Variants in CTNND2 observed in about 807,000 individuals in gnomAD.
CTNND2 encodes the protein catenin delta-2.
CTNND2 carries 22 observed loss-of-function variants against 144.4 expected under a neutral mutation model. The ratio of observed to expected loss-of-function variants is 0.15; its 90% CI spans 0.11 to 0.22. CTNND2 has a LOEUF of 0.22. CTNND2 is among the 10% of genes least tolerant of loss of function. The pLI is 1.00. For synonymous variants in CTNND2, 751 were observed against 695.6 expected (o/e 1.08, Z -1.25); for missense variants, 1,353 against 1,618.8 (o/e 0.84, Z 2.82).
chr5:11,224,732 T>C (rs1476255039), intron 10 of CTNND2, among the ~76,000 whole-genome samples: 1 of 152,320 alleles, frequency 6.6e-6, no homozygotes, highest in South Asian at 2.1e-4. Context: ...AGGTTCTTAG[T>C]CAAATGCCCC....
chr5:11,062,116 T>C (rs1747056735), intron 16 of CTNND2, among the ~76,000 whole-genome samples: 1 of 152,190 alleles, frequency 6.6e-6, no homozygotes, highest in South Asian at 2.1e-4. Context: ...AAAATATTGG[T>C]CAAATGAATG....
intron 9 of CTNND2, among the ~76,000 whole-genome samples, chr5:11,328,306 T>C (rs1490268230): frequency 5.3e-5 from 8 of 149,656 alleles, no homozygotes; most frequent in Non-Finnish European, 1.2e-4. Context: ...TTTTTTTTTT[T>C]CCTCAAGACA....
At chr5:11,836,548 A>G (rs902176661) in intron 1 of CTNND2, among the ~76,000 whole-genome samples, 1 of 152,104 alleles carries the variant, frequency 6.6e-6, no homozygotes, top group African/African-American at 2.4e-5. Flanking sequence ...AAAAAAAAAA[A>G]AGATTCCATT....
intron 2 of CTNND2, among the ~76,000 whole-genome samples, chr5:11,579,892 G>T (rs1335375772): frequency 6.6e-6 from 1 of 152,196 alleles, no homozygotes; most frequent in African/African-American, 2.4e-5. Context: ...CCAGCAGCAA[G>T]CTATGCATCA....
chr5:11,214,424 T>G (rs1161479941), intron 10 of CTNND2, among the ~76,000 whole-genome samples: 2 of 152,230 alleles, frequency 1.3e-5, no homozygotes, highest in Non-Finnish European at 2.9e-5. Flanking sequence ...CATACAATTT[T>G]TCTCCAGACT....
chr5:11,212,915 T>C (rs17188208), intron 10 of CTNND2, among the ~76,000 whole-genome samples: 9,643 of 152,230 alleles, frequency 0.063, 437 homozygotes, highest in Admixed American at 0.11. Flanking sequence ...AATGAGGTGA[T>C]AGGACCCACA....
intron 1 of CTNND2, among the ~76,000 whole-genome samples, chr5:11,750,586 T>C (rs766531775): frequency 6.6e-6 from 1 of 151,888 alleles, no homozygotes; most frequent in Admixed American, 6.6e-5. Context: ...AAACAAATTT[T>C]GTTTTGCCCC....
chr5:11,784,020 A>G (rs1239674129), intron 1 of CTNND2, among the ~76,000 whole-genome samples: 1 of 152,232 alleles, frequency 6.6e-6, no homozygotes, highest in Non-Finnish European at 1.5e-5. Context: ...TGGACCACAT[A>G]CCATGTCCAC....
At chr5:11,092,239 G>T (rs1189738616) in intron 15 of CTNND2, among the ~76,000 whole-genome samples, 2 of 152,104 alleles carry the variant, frequency 1.3e-5, no homozygotes, top group African/African-American at 4.8e-5. Flanking sequence ...GTTTTTCCTT[G>T]AAGAAAGGTA....
intron 15 of CTNND2, among the ~76,000 whole-genome samples, chr5:11,094,819 C>A (rs1419438905): frequency 6.6e-6 from 1 of 152,124 alleles, no homozygotes; most frequent in Non-Finnish European, 1.5e-5. Context: ...AATCTATGGT[C>A]GTCATTGTTA....
rs759905214 is a variant in CTNND2 at position 11,397,192 on chromosome 5, G to C, written c.451C>G (p.Leu151Val). The C allele has an allele frequency of 1.2e-6, 2 of 1,614,062 alleles. No homozygotes were observed. Among genetic ancestry groups the C allele is most frequent in the Admixed American group, 1.7e-5 (1 of 60,024 alleles). ...DYSTGERPSL[L>V]SQSALQLNSK... The stretch of plus-strand genomic sequence containing the variant: ...TTGAGCTGAAGTGCACTCTGGGAGA[G>C]CAGGCTGGGCCCTGCATTGAAAGTC... The change falls in exon 6 of 22, where the codon CTC (leucine) becomes GTC (valine). Residue 151 changes from leucine to valine, a missense_variant. Physicochemically the swap from Leu to Val is conservative, Grantham distance 32. Transcript: ENST00000304623.
rs117255472 is a variant in CTNND2, at chr5:11,639,637, T to C, written c.175-74581A>G. On this transcript the variant is annotated intron_variant, in intron 2 of 21. Coordinates refer to ENST00000304623, the MANE Select transcript of CTNND2 (RefSeq NM_001332.4). ...AAATTCTGGTTAGGGAAAACAAACA[T>C]ACTAGAACCTCTAAGAGGCTAATGC... Among the ~76,000 whole-genome samples the C allele has an allele frequency of 2.6e-4, 40 of 152,244 alleles. No individual in the cohort carries two copies. In the East Asian group the frequency reaches 7.7e-3, roughly 29 times the overall value.
At position 11,199,575 on chromosome 5, in the gene CTNND2, C is replaced by T. The variant is rs1737220097; in HGVS notation, c.1848G>A (p.Leu616=). 1 of 1,614,190 alleles carries T rather than the reference C, an allele frequency of 6.2e-7. No homozygotes were observed. Among genetic ancestry groups the T allele is most frequent in the Non-Finnish European group, 8.5e-7 (1 of 1,180,034 alleles). Reference sequence around the variant, plus strand: ...TGGCCTTCCCATACACCAGGTTTCTCAGAGCTCCACAGGCACTACGGTGGA... The same window carrying T: ...TGGCCTTCCCATACACCAGGTTTCTTAGAGCTCCACAGGCACTACGGTGGA... The part of the protein sequence containing the change: ...TEVHRSACGA[L]RNLVYGKAND... Residue 616 remains leucine, a synonymous_variant, in exon 11 of 22, where the codon CTG becomes CTA. Transcript: ENST00000304623.
intron 3 of CTNND2, among the ~76,000 whole-genome samples, chr5:11,498,651 T>C (rs1770223245): frequency 6.6e-6 from 1 of 152,224 alleles, no homozygotes; most frequent in African/African-American, 2.4e-5. Flanking sequence ...TTCCCTTCCA[T>C]ACAGCCAATA....
intron 16 of CTNND2, among the ~76,000 whole-genome samples, chr5:11,048,444 A>G (rs1009675403): frequency 1.3e-5 from 2 of 152,222 alleles, no homozygotes; most frequent in African/African-American, 4.8e-5. Context: ...TAGGTACTGC[A>G]TTTAGTTGCC....
intron 6 of CTNND2, among the ~76,000 whole-genome samples, chr5:11,389,224 C>T (rs1035719107): frequency 6.6e-6 from 1 of 152,130 alleles, no homozygotes; most frequent in Non-Finnish European, 1.5e-5. Context: ...AATGAGGAAC[C>T]CATTTACGAG....
At chr5:11,172,005 G>T (rs541165017) in intron 11 of CTNND2, among the ~76,000 whole-genome samples, 1 of 152,118 alleles carries the variant, frequency 6.6e-6, no homozygotes, top group African/African-American at 2.4e-5. Context: ...GACAATTGTG[G>T]TCTTACACTA....
At chr5:11,171,473 A>G (rs1167686401) in intron 11 of CTNND2, among the ~76,000 whole-genome samples, 2 of 152,168 alleles carry the variant, frequency 1.3e-5, no homozygotes, top group East Asian at 3.8e-4. Flanking sequence ...TTTCATTTCT[A>G]TAATTCTGAA....
chr5:11,141,100 G>A (rs1438091544), intron 12 of CTNND2, among the ~76,000 whole-genome samples: 1 of 152,102 alleles, frequency 6.6e-6, no homozygotes, highest in East Asian at 1.9e-4. Flanking sequence ...AACTACAGGT[G>A]CATGTCACTG....
Sources: allele counts gnomAD v4.1 joint callset (sites outside exome capture counted in the v4.1 genomes callset), GRCh38; gene constraint gnomAD v4.1.1; transcripts MANE v1.5; gene names NCBI Gene and HGNC (gene_info 2026-07-23, HGNC 2026-07-21).